MEAK7: variants seen among roughly 807,000 people sequenced by gnomAD.
The protein encoded by MEAK7 is MTOR associated protein MEAK7.
Under a neutral mutation model 40.5 loss-of-function variants are expected in MEAK7, and 68 were observed. The observed-to-expected ratio is 1.68, with a 90% CI of 1.38 to 2.06. The LOEUF (loss-of-function observed/expected upper bound fraction) is 2.06, where lower values mean the gene tolerates loss of function less well. Among genes scored for constraint, MEAK7 ranks in the 30% most tolerant of loss-of-function variants. The pLI is 0.00. For synonymous variants in MEAK7, 338 were observed against 231.9 expected (o/e 1.46, Z -4.16); for missense variants, 918 against 580.5 (o/e 1.58, Z -5.98).
Position 84,498,599 on chromosome 16 carries a change from T to A in MEAK7, c.-25-488A>T, listed in dbSNP as rs564258894. On this transcript the variant is annotated intron_variant, in intron 1 of 7. Transcript: ENST00000343629. The stretch of plus-strand genomic sequence containing the variant: ...TAATATTGTTTTGATGTGACAGAAA[T>A]CAATAGCTGATACAAACAAAGCTGG... 8.6e-5 allele frequency among the ~76,000 whole-genome samples: 13 copies of A among 151,740 alleles called. No homozygotes were observed. In the South Asian group the frequency reaches 2.7e-3, roughly 32 times the overall value.
chr16:84,490,488 A>C, intron 3 of MEAK7, among the ~76,000 whole-genome samples: 4 of 121,664 alleles, frequency 3.3e-5, no homozygotes, highest in Admixed American at 1.0e-4. Flanking sequence ...TTACCTCAAC[A>C]GCCTGAGTTT....
At chr16:84,488,272 C>T (rs1913268834) in intron 4 of MEAK7, 1 of 152,190 alleles carries the variant, frequency 6.6e-6, no homozygotes, top group Non-Finnish European at 1.5e-5. Context: ...CTGATACTTA[C>T]TTGTAAAATT....
At chr16:84,500,523 C>T (rs1171390717) in intron 1 of MEAK7, among the ~76,000 whole-genome samples, 1 of 152,188 alleles carries the variant, frequency 6.6e-6, no homozygotes, top group Non-Finnish European at 1.5e-5. Context: ...GCTAATGTGC[C>T]CCTCTGCACA....
Position 84,489,410 on chromosome 16 carries a change from G to T in MEAK7, c.397C>A (p.Leu133Met). Residue 133 changes from leucine (L) to methionine (M), a missense_variant, in exon 4 of 8, where the codon CTG becomes ATG. Transcript: ENST00000343629. ...AGCACGTGCACCACAGAGCCAACCA[G>T]ATCCTCTGTAAACTGTAAGATCACA... ...AREVQKFTED[L>M]VGSVVHVLSH... The T allele has an allele frequency of 6.2e-7, 1 of 1,611,716 alleles. No individual in the cohort carries two copies. The highest frequency in any genetic ancestry group is 8.5e-7 in the Non-Finnish European group (1 of 1,178,836).
intron 7 of MEAK7, 51 bp downstream of exon 7, chr16:84,480,478 G>T (rs1912429696): frequency 6.6e-7 from 1 of 1,518,126 alleles, no homozygotes; most frequent in Non-Finnish European, 8.8e-7. Flanking sequence ...ATGCAGAAAG[G>T]CCCCCAGGCT....
At chr16:84,487,186 C>A in intron 4 of MEAK7, 127 bp from the exon 5 acceptor site, 1 of 880,976 alleles carries the variant, frequency 1.1e-6, no homozygotes, top group Non-Finnish European at 1.7e-6. Flanking sequence ...AAACAGGGCT[C>A]GTGTGAATTG....
chr16:84,483,132 A>C (rs1912724953), intron 5 of MEAK7, among the ~76,000 whole-genome samples: 1 of 152,182 alleles, frequency 6.6e-6, no homozygotes, highest in Non-Finnish European at 1.5e-5. Context: ...CGTAGTGCTG[A>C]CCCCGGCCTG....
rs763771393 is a variant in MEAK7 at position 84,478,557 on chromosome 16, A to C, written c.*1356T>G. ...CAAAAGACAAAAGGAAGAGGTATAT[A>C]TCTTAGAGACAAGCTCACAGCACCT... On this transcript the variant is annotated 3_prime_UTR_variant, in exon 8 of 8. Coordinates refer to ENST00000343629, the MANE Select transcript of MEAK7 (RefSeq NM_020947.4). 2.0e-5 allele frequency: 3 copies of C among 152,252 alleles called. No individual in the cohort carries two copies. Among genetic ancestry groups the C allele is most frequent in the Non-Finnish European group, 4.4e-5 (3 of 68,048 alleles). 9.4% of individuals were successfully genotyped at this position (152,252 alleles called of 1,614,324 possible).
At chr16:84,482,761 C>A (rs1388200878) in intron 5 of MEAK7, 51 bp from the exon 6 acceptor site, 2 of 1,606,900 alleles carry the variant, frequency 1.2e-6, no homozygotes, top group Non-Finnish European at 1.7e-6. Flanking sequence ...TGAGCCGGTC[C>A]CACAGGGCCG....
In MEAK7 at chr16:84,496,702, CG is replaced by C. The variant is rs11343107; in HGVS notation, c.154-790del. 3.0e-3 allele frequency among the ~76,000 whole-genome samples: 452 copies of C among 152,190 alleles called. 5 individuals carry two copies. The highest frequency in any genetic ancestry group is 0.011 in the African/African-American group (438 of 41,532). On this transcript the variant is annotated intron_variant, in intron 2 of 7. Transcript: ENST00000343629. ...ACCAGGATGCAGGACGTTCTCTCAC[CG>C]AAGGGCCTCACACCACCTAAGCGTC...
intron 5 of MEAK7, among the ~76,000 whole-genome samples, chr16:84,485,650 C>CCATT (rs1912973740): frequency 6.7e-6 from 1 of 148,682 alleles, no homozygotes; most frequent in Admixed American, 6.8e-5. Context: ...ATCCATCCAT[C>CCATT]CATCCATCCA....
chr16:84,498,046 G>T lies in MEAK7; in HGVS notation c.41C>A (p.Ser14Ter). 6.2e-7 allele frequency: 1 copy of T among 1,613,982 alleles called. No homozygotes were observed. Among genetic ancestry groups the T allele is most frequent in the Non-Finnish European group, 8.5e-7 (1 of 1,179,950 alleles). ...TGCCTGTTCCTCAGGAAGAAACTGT[G>T]AACAAAAGCTCCGCCCCACACGGCT... The part of the protein sequence containing the change: ...SRSRVGRSFC[S>*]QFLPEEQAEI... Residue 14 changes from serine (S) to a stop codon, truncating the protein, a stop_gained, in exon 2 of 8, where the codon TCA (serine) becomes TAA (stop). Coordinates refer to ENST00000343629, the MANE Select transcript of MEAK7 (RefSeq NM_020947.4). LOFTEE classifies it high-confidence loss of function.
At chr16:84,503,765 G>A in intron 1 of MEAK7, among the ~76,000 whole-genome samples, 2 of 152,224 alleles carry the variant, frequency 1.3e-5, no homozygotes, top group Middle Eastern at 3.4e-3. Context: ...TGATGGAGGG[G>A]TGGACAGGGA....
intron 5 of MEAK7, among the ~76,000 whole-genome samples, chr16:84,484,410 G>C (rs1376236336): frequency 2.6e-5 from 4 of 152,230 alleles, no homozygotes; most frequent in Admixed American, 6.5e-5. Flanking sequence ...TAATTCTGAG[G>C]AGCTGAGGCC....
intron 3 of MEAK7, among the ~76,000 whole-genome samples, chr16:84,493,415 C>T (rs394035): frequency 0.53 from 80,485 of 152,084 alleles, 24,387 homozygotes; most frequent in Non-Finnish European, 0.7. Flanking sequence ...AGGGGGCTGA[C>T]GTATTCATGA....
At chr16:84,496,437 CA>C (rs1235594598) in intron 2 of MEAK7, among the ~76,000 whole-genome samples, 4 of 152,184 alleles carry the variant, frequency 2.6e-5, no homozygotes, top group Non-Finnish European at 2.9e-5. Flanking sequence ...CGTCTCTGTA[CA>C]GGGGAGCCTC....
At chr16:84,482,562 G>C (rs773365905) in intron 6 of MEAK7, 30 bp downstream of exon 6, 1 of 1,613,760 alleles carries the variant, frequency 6.2e-7, no homozygotes, top group Non-Finnish European at 8.5e-7. Flanking sequence ...CATCACCAAG[G>C]CAAGACCACC....
At chr16:84,497,621 C>G (rs774999332) in intron 2 of MEAK7, 25 of 1,356,914 alleles carry the variant, frequency 1.8e-5, no homozygotes, top group Admixed American at 2.2e-5. Context: ...TCGTGTGAAT[C>G]ATTCATTATC....
At chr16:84,501,636 G>A (rs544736359) in intron 1 of MEAK7, among the ~76,000 whole-genome samples, 2 of 152,214 alleles carry the variant, frequency 1.3e-5, no homozygotes, top group East Asian at 3.9e-4. Context: ...GGCTGGCAAC[G>A]CCACTTTTTC....
Sources: gnomAD v4.1 joint callset for allele counts (sites outside exome capture counted in the v4.1 genomes callset) on GRCh38, gnomAD v4.1.1 for gene constraint, MANE v1.5 for transcripts, NCBI Gene and HGNC (gene_info 2026-07-23, HGNC 2026-07-21) for gene names.